CHD2: variants seen among roughly 807,000 people sequenced by gnomAD.
CHD2 encodes the protein ATP-dependent chromatin remodeler CHD2.
Under a neutral mutation model 243.9 loss-of-function variants are expected in CHD2, and 28 were observed. That is an observed-to-expected ratio of 0.11 (90% CI 0.09 to 0.16). CHD2 has a LOEUF of 0.16. Ranked by LOEUF, CHD2 falls within the 10% of genes least tolerant of loss-of-function variation. The pLI, the probability that CHD2 is intolerant of heterozygous loss-of-function variation, is 1.00. For synonymous variants in CHD2, 775 were observed against 779.0 expected (o/e 0.99, Z 0.09); for missense variants, 1,386 against 2,209.8 (o/e 0.63, Z 7.47).
intron 16 of CHD2, among the ~76,000 whole-genome samples, chr15:92,965,565 CAAAAAAAAAAAAAAA>C (rs61447848): frequency 0.43 from 48,617 of 112,250 alleles, 10,167 homozygotes; most frequent in East Asian, 0.8. Context: ...ACTCTTTCTC[CAAAAAAAAAAAAAAA>C]AAAAAAAAAA....
Position 92,998,474 on chromosome 15 carries a change from T to C in CHD2, c.3886-25T>C. The C allele has an allele frequency of 1.2e-6, 2 of 1,612,120 alleles. No homozygotes were observed. Among genetic ancestry groups the C allele is most frequent in the Non-Finnish European group, 1.7e-6 (2 of 1,178,930 alleles). On this transcript the variant is annotated intron_variant, in intron 30 of 38. Coordinates refer to ENST00000394196, the MANE Select transcript of CHD2 (RefSeq NM_001271.4). This position sits in a 1 kb window ranked among gnomAD's most constrained non-coding sequence, Gnocchi z 5.1. ...TAACCAGGATGTGGGTGGTGGCGGGTGCTTCTCTTCCTTTCTTGTTGAAGA... is the reference window on the plus strand; with the variant it reads ...TAACCAGGATGTGGGTGGTGGCGGGCGCTTCTCTTCCTTTCTTGTTGAAGA...
At position 92,900,545 on chromosome 15, in the gene CHD2, A is replaced by C. The variant is rs1245305404; in HGVS notation, c.-351A>C. 3 of 398,626 alleles carry C rather than the reference A, an allele frequency of 7.5e-6. No homozygotes were observed. Among genetic ancestry groups the C allele is most frequent in the Non-Finnish European group, 1.3e-5 (3 of 226,038 alleles). The allele number at this position is 398,626 out of a possible 1,614,324, so 24.7% of individuals were successfully genotyped here. A position where few individuals can be genotyped will look rare whatever the true frequency, so the allele number is the denominator to read the frequency against. ...TTTCTTTTCGTGCCTTGTTGGAAAG[A>C]AGCAGCCGTACTGAGAGCCCAGGTC... is the stretch of plus-strand genomic sequence containing the variant. On this transcript the variant is annotated 5_prime_UTR_variant, in exon 1 of 39. Transcript: ENST00000394196.
In CHD2 at chr15:92,922,199, G is replaced by A. The variant is rs144431537; in HGVS notation, c.63-2122G>A. On this transcript the variant is annotated intron_variant, in intron 2 of 38. Coordinates refer to ENST00000394196, the MANE Select transcript of CHD2 (RefSeq NM_001271.4). ...AGATCCACACTTGGATTGGAATCCC[G>A]GCCCCTCACCCTCTTCCTCAATTTC... 2.2e-3 allele frequency among the ~76,000 whole-genome samples: 329 copies of A among 152,184 alleles called. 2 individuals carry two copies. Among genetic ancestry groups the A allele is most frequent in the African/African-American group, 7.5e-3 (313 of 41,530 alleles).
intron 5 of CHD2, among the ~76,000 whole-genome samples, 188 bp downstream of exon 5, chr15:92,929,279 T>G (rs1362110336): frequency 6.6e-6 from 1 of 152,140 alleles, no homozygotes; most frequent in Non-Finnish European, 1.5e-5. Context: ...AACTCAAGAT[T>G]CTCAGTTTAA....
In CHD2 at chr15:93,025,000, G is replaced by C. The variant is rs2054575057; in HGVS notation, c.*295G>C. 2.8e-6 allele frequency: 1 copy of C among 357,470 alleles called. No individual in the cohort carries two copies. Among genetic ancestry groups the C allele is most frequent in the Non-Finnish European group, 5.1e-6 (1 of 196,578 alleles). The allele number at this position is 357,470 out of a possible 1,614,324, so 22.1% of individuals were successfully genotyped here. On this transcript the variant is annotated 3_prime_UTR_variant, in exon 39 of 39. Coordinates refer to ENST00000394196, the MANE Select transcript of CHD2 (RefSeq NM_001271.4). ...ACTGTGTGTGTACCAGCTTCACTGG[G>C]ATGTGTTTCCCCAGTCAAGGAACAG...
intron 33 of CHD2, among the ~76,000 whole-genome samples, chr15:93,003,341 G>A (rs2054281194): frequency 6.6e-6 from 1 of 151,524 alleles, no homozygotes. Context: ...CTGTTTGGGT[G>A]TAACATGTTA....
rs1305461559 is a variant in CHD2, at chr15:93,024,821, G to C, written c.*116G>C. The C allele has an allele frequency of 4.6e-6, 4 of 865,492 alleles. No homozygotes were observed. The highest frequency in any genetic ancestry group is 2.7e-5 in the East Asian group (1 of 37,098). The allele number at this position is 865,492 out of a possible 1,614,324, so 53.6% of individuals were successfully genotyped here. The stretch of plus-strand genomic sequence containing the variant: ...GTGGAGTTTTGGACATGCTGCTGCT[G>C]TCAACTCACTGGCTGAAGGAGCACT... On this transcript the variant is annotated 3_prime_UTR_variant, in exon 39 of 39. Coordinates refer to ENST00000394196, the MANE Select transcript of CHD2 (RefSeq NM_001271.4).
chr15:93,014,142 C>T (rs541535761), intron 36 of CHD2, among the ~76,000 whole-genome samples: 3 of 152,052 alleles, frequency 2.0e-5, no homozygotes, highest in Admixed American at 1.3e-4. Flanking sequence ...TAGAAAAATA[C>T]GTGCCAAATT....
chr15:92,946,471 A>AAATAAG, intron 12 of CHD2: 1 of 292,254 alleles, frequency 3.4e-6, no homozygotes. Context: ...GGATTTAGGC[A>AAATAAG]CTTTTATTTT....
At chr15:92,976,194 A>G (rs1264847198) in intron 20 of CHD2, among the ~76,000 whole-genome samples, 1 of 152,194 alleles carries the variant, frequency 6.6e-6, no homozygotes, top group Non-Finnish European at 1.5e-5. Flanking sequence ...CTCAGGGGAA[A>G]AAAAAAATTG....
intron 26 of CHD2, among the ~76,000 whole-genome samples, chr15:92,991,150 A>G (rs1014477377): frequency 2.3e-5 from 3 of 132,286 alleles, no homozygotes; most frequent in Admixed American, 7.2e-5. Context: ...CCTTTATGAC[A>G]CAGTGAAGTC....
chr15:93,005,417 C>G (rs534247132), intron 34 of CHD2, among the ~76,000 whole-genome samples: 1 of 152,088 alleles, frequency 6.6e-6, no homozygotes, highest in African/African-American at 2.4e-5. Flanking sequence ...GGTCCCTTTG[C>G]CCCTGGCTGG....
In CHD2 at chr15:92,955,074, G is replaced by T. The variant is rs573801535; in HGVS notation, c.1720-349G>T. Among the ~76,000 whole-genome samples the T allele has an allele frequency of 2.6e-5, 4 of 152,224 alleles. No homozygotes were observed. The South Asian group carries it at 8.3e-4, about 32-fold the overall frequency. ...TTCCTATTCAAAAAGTAAATAAATT[G>T]CATTTTTAAAAGAAATTTCTAAGGA... On this transcript the variant is annotated intron_variant, in intron 14 of 38. Transcript: ENST00000394196.
intron 37 of CHD2, among the ~76,000 whole-genome samples, chr15:93,015,447 G>T: frequency 6.6e-6 from 1 of 152,148 alleles, no homozygotes; most frequent in Non-Finnish European, 1.5e-5. Context: ...AAAAGACTGA[G>T]GGAGAAGTTT....
In CHD2 at chr15:92,972,337, C is replaced by A. The variant is rs146691368; in HGVS notation, c.2425C>A (p.Arg809=). The A allele has an allele frequency of 6.2e-7, 1 of 1,612,768 alleles. No homozygotes were observed. Among genetic ancestry groups the A allele is most frequent in the Non-Finnish European group, 8.5e-7 (1 of 1,179,278 alleles). ...GACAAGACTTCGAGAAAGGGGGAATCGAGTGCTTATCTTCTCTCAGATGGT... is the reference window on the plus strand; with the variant it reads ...GACAAGACTTCGAGAAAGGGGGAATAGAGTGCTTATCTTCTCTCAGATGGT... ...LLTRLRERGN[R]VLIFSQMVRM... is the part of the protein sequence containing the mutation. The change falls in exon 19 of 39, where the codon CGA becomes AGA. Residue 809 remains arginine, a synonymous_variant. Coordinates refer to ENST00000394196, the MANE Select transcript of CHD2 (RefSeq NM_001271.4).
At chr15:92,903,176 C>T (rs946282189) in intron 2 of CHD2, among the ~76,000 whole-genome samples, 34 of 152,172 alleles carry the variant, frequency 2.2e-4, no homozygotes, top group African/African-American at 7.7e-4. Context: ...GACATCACTT[C>T]CTTTTAAAAT....
At chr15:92,919,779 T>A (rs2141735096) in intron 2 of CHD2, among the ~76,000 whole-genome samples, 1 of 152,312 alleles carries the variant, frequency 6.6e-6, no homozygotes, top group Admixed American at 6.5e-5. Flanking sequence ...TGGATTTGGC[T>A]CTCATGATTA....
At chr15:92,938,354 A>G (rs1390721818) in intron 6 of CHD2, among the ~76,000 whole-genome samples, 1 of 152,184 alleles carries the variant, frequency 6.6e-6, no homozygotes, top group Non-Finnish European at 1.5e-5. Context: ...AATGTACCTG[A>G]TTATTTCATT....
At chr15:92,933,786 T>C (rs1481587174) in intron 5 of CHD2, among the ~76,000 whole-genome samples, 1 of 152,124 alleles carries the variant, frequency 6.6e-6, no homozygotes, top group Non-Finnish European at 1.5e-5. Context: ...CTTAATTTTT[T>C]GTAAAGGCTG....
Sources: gnomAD v4.1 joint callset for allele counts (sites outside exome capture counted in the v4.1 genomes callset) on GRCh38, gnomAD v4.1.1 for gene constraint, Gnocchi (gnomAD v3.1) non-coding constraint, MANE v1.5 for transcripts, NCBI Gene and HGNC (gene_info 2026-07-23, HGNC 2026-07-21) for gene names.